DPP10: variants seen among roughly 807,000 people sequenced by gnomAD.
The protein encoded by DPP10 is inactive dipeptidyl peptidase 10.
A neutral mutation model predicts 120.9 loss-of-function variants in DPP10; 33 were observed. The ratio of observed to expected loss-of-function variants is 0.27; its 90% confidence interval spans 0.21 to 0.37. DPP10 has a LOEUF of 0.37. Among genes scored for constraint, DPP10 ranks in the 10% least tolerant of loss-of-function variants. The probability of loss-of-function intolerance (pLI) is 1.00; values close to 1 mark genes in which losing one functional copy is unlikely to be tolerated. For synonymous variants in DPP10, 337 were observed against 326.1 expected (o/e 1.03, Z -0.36); for missense variants, 816 against 942.8 (o/e 0.87, Z 1.76).
chr2:115,565,111 G>A (rs2080917545), intron 5 of DPP10, among the ~76,000 whole-genome samples: 2 of 152,144 alleles, frequency 1.3e-5, no homozygotes, highest in Admixed American at 1.3e-4. Flanking sequence ...AAAAGCAGAA[G>A]TTAGCAAACA....
chr2:114,507,499 T>C (rs896700611), intron 1 of DPP10, among the ~76,000 whole-genome samples: 1 of 152,176 alleles, frequency 6.6e-6, no homozygotes, highest in Non-Finnish European at 1.5e-5. Context: ...TAAAATCAGC[T>C]TACTGAGCAC....
At chr2:114,690,865 G>A (rs1394583430) in intron 1 of DPP10, among the ~76,000 whole-genome samples, 2 of 151,960 alleles carry the variant, frequency 1.3e-5, no homozygotes, top group Non-Finnish European at 2.9e-5. Context: ...TTGGCTCTCT[G>A]CTTGCCTGTT....
At chr2:115,632,779 C>T (rs1338453092) in intron 5 of DPP10, among the ~76,000 whole-genome samples, 1 of 152,050 alleles carries the variant, frequency 6.6e-6, no homozygotes, top group African/African-American at 2.4e-5. Flanking sequence ...AGGATATGAA[C>T]AGACACTTCT....
intron 2 of DPP10, among the ~76,000 whole-genome samples, chr2:115,335,424 A>C (rs1249524792): frequency 6.6e-6 from 1 of 152,066 alleles, no homozygotes; most frequent in Non-Finnish European, 1.5e-5. Context: ...AAGTTAGGAA[A>C]CATTAAGAAA....
chr2:114,551,759 C>T (rs559218635), intron 1 of DPP10, among the ~76,000 whole-genome samples: 3 of 152,330 alleles, frequency 2.0e-5, no homozygotes, highest in South Asian at 2.1e-4. Context: ...CTTTTAAAGA[C>T]TTCTTTCCTC....
chr2:115,790,934 C>A, intron 17 of DPP10, 147 bp from the exon 18 acceptor site: 12 of 513,660 alleles, frequency 2.3e-5, no homozygotes, highest in South Asian at 3.8e-5. Context: ...ACTTAGAAAA[C>A]TGTTGTAGTA....
At chr2:115,238,464 G>T (rs986388995) in intron 1 of DPP10, among the ~76,000 whole-genome samples, 3 of 152,290 alleles carry the variant, frequency 2.0e-5, no homozygotes, top group Non-Finnish European at 4.4e-5. Context: ...TACAGCCCTT[G>T]AGTTAAGGAT....
chr2:115,235,393 A>T (rs985879830), intron 1 of DPP10, among the ~76,000 whole-genome samples: 2 of 152,226 alleles, frequency 1.3e-5, no homozygotes, highest in Non-Finnish European at 2.9e-5. Context: ...ACAAAAACTA[A>T]AAGAACTAAA....
chr2:115,274,948 G>C (rs2059850797), intron 1 of DPP10, among the ~76,000 whole-genome samples: 2 of 152,096 alleles, frequency 1.3e-5, no homozygotes, highest in Admixed American at 1.3e-4. Context: ...CTCGCACAGG[G>C]TTCTATTCAC....
intron 5 of DPP10, among the ~76,000 whole-genome samples, chr2:115,593,736 T>C (rs2082820480): frequency 6.6e-6 from 1 of 152,172 alleles, no homozygotes; most frequent in Non-Finnish European, 1.5e-5. Context: ...CTCTCTCTAT[T>C]CCCCCATTTT....
chr2:115,084,193 T>C (rs1278058058), intron 1 of DPP10, among the ~76,000 whole-genome samples: 1 of 152,234 alleles, frequency 6.6e-6, no homozygotes, highest in Non-Finnish European at 1.5e-5. Flanking sequence ...TGAAGTCAAG[T>C]ACTGTATCTT....
intron 3 of DPP10, among the ~76,000 whole-genome samples, chr2:115,368,370 T>A (rs1223542051): frequency 6.6e-6 from 1 of 152,104 alleles, no homozygotes; most frequent in East Asian, 1.9e-4. Flanking sequence ...GGGAGGTTAT[T>A]GTGAGATTAA....
At chr2:115,584,385 G>C (rs1482766932) in intron 5 of DPP10, among the ~76,000 whole-genome samples, 2 of 152,098 alleles carry the variant, frequency 1.3e-5, no homozygotes, top group Non-Finnish European at 2.9e-5. Flanking sequence ...AATAAAGAAG[G>C]GAGGGATGGA....
At chr2:115,736,568 C>T (rs1169464978) in intron 8 of DPP10, among the ~76,000 whole-genome samples, 2 of 152,102 alleles carry the variant, frequency 1.3e-5, no homozygotes, top group South Asian at 2.1e-4. Flanking sequence ...AAAAGCAAAT[C>T]CATGCCCAGA....
At chr2:114,704,523 T>C (rs568994823) in intron 1 of DPP10, among the ~76,000 whole-genome samples, 11 of 152,318 alleles carry the variant, frequency 7.2e-5, no homozygotes, top group Admixed American at 7.2e-4. Context: ...AAATAGTTAA[T>C]AGTTATCTCA....
At chr2:115,498,517 G>C (rs568322765) in intron 3 of DPP10, among the ~76,000 whole-genome samples, 3 of 151,900 alleles carry the variant, frequency 2.0e-5, no homozygotes, top group Admixed American at 1.3e-4. Flanking sequence ...ACTATAAGTA[G>C]TGAATCTAAT....
chr2:114,620,463 CATT>C (rs1164819414), intron 1 of DPP10, among the ~76,000 whole-genome samples: 3 of 151,910 alleles, frequency 2.0e-5, no homozygotes, highest in African/African-American at 7.2e-5. Flanking sequence ...AATGGACTGA[CATT>C]ATGATGGTTT....
intron 1 of DPP10, among the ~76,000 whole-genome samples, chr2:114,459,101 G>A (rs1678729961): frequency 6.6e-6 from 1 of 152,166 alleles, no homozygotes; most frequent in East Asian, 1.9e-4. Flanking sequence ...TTCTAAAAAT[G>A]TTAAGGAATG....
At chr2:115,393,092 C>T (rs991763468) in intron 3 of DPP10, among the ~76,000 whole-genome samples, 6 of 152,120 alleles carry the variant, frequency 3.9e-5, no homozygotes, top group African/African-American at 9.6e-5. Flanking sequence ...GTGGGCAGTT[C>T]GCTTGAGGCC....
Sources: allele counts gnomAD v4.1 joint callset (sites outside exome capture counted in the v4.1 genomes callset), GRCh38; gene constraint gnomAD v4.1.1; transcripts MANE v1.5; gene names NCBI Gene and HGNC (gene_info 2026-07-23, HGNC 2026-07-21).